ZNF316: variants seen among roughly 807,000 people sequenced by gnomAD.
ZNF316 encodes the protein zinc finger protein 316.
ZNF316 carries 23 observed loss-of-function variants against 75.6 expected under a neutral mutation model. The ratio of observed to expected loss-of-function variants is 0.30; its 90% CI spans 0.22 to 0.43. ZNF316 has a LOEUF of 0.43. Among genes scored for constraint, ZNF316 ranks in the 20% least tolerant of loss-of-function variants. ZNF316 has a pLI of 1.00. For missense variants in ZNF316, 1,266 were observed against 1,409.4 expected, an observed-to-expected ratio of 0.90 and a Z score of 1.63; for synonymous variants, 827 against 666.2, an observed-to-expected ratio of 1.24 and a Z score of -3.72.
rs959356843 is a variant in ZNF316, at chr7:6,656,321, C to G, written c.*1710C>G. ...GCTTGGGGGGCTCTGGGAATCTCAG[C>G]TCTAGCCCTGTATGGCCAGGATCTG... On this transcript the variant is annotated 3_prime_UTR_variant, in exon 9 of 9. Coordinates refer to ENST00000382252, the MANE Select transcript of ZNF316 (RefSeq NM_001278559.2). 3 of 152,234 alleles carry G rather than the reference C, an allele frequency of 2.0e-5. No individual in the cohort carries two copies. The highest frequency in any genetic ancestry group is 7.2e-5 in the African/African-American group (3 of 41,418). 9.4% of individuals were successfully genotyped at this position (152,234 alleles called of 1,614,324 possible). A position where few individuals can be genotyped will look rare whatever the true frequency, so the allele number is the denominator to read the frequency against.
chr7:6,654,018 T>A lies in ZNF316; in HGVS notation c.2422T>A (p.Cys808Ser). ...GGAGCGGCCTTACGCGTGTGGAGAGTGCGGCCGGCGCTTCGGGCAGAGCGC... is the reference window on the plus strand; with the variant it reads ...GGAGCGGCCTTACGCGTGTGGAGAGAGCGGCCGGCGCTTCGGGCAGAGCGC... ...TGERPYACGE[C>S]GRRFGQSAAL... The change falls in exon 9 of 9, where the codon TGC becomes AGC. Residue 808 changes from cysteine to serine, a missense_variant. By Grantham distance (112) the Cys-to-Ser change is moderately radical (BLOSUM62 -1). Transcript: ENST00000382252. 8.4e-7 allele frequency: 1 copy of A among 1,190,564 alleles called. No homozygotes were observed. Among genetic ancestry groups the A allele is most frequent in the Non-Finnish European group, 1.0e-6 (1 of 961,916 alleles). The allele number at this position is 1,190,564 out of a possible 1,614,324, so 73.8% of individuals were successfully genotyped here. A position where few individuals can be genotyped will look rare whatever the true frequency, so the allele number is the denominator to read the frequency against.
chr7:6,650,848 C>T (rs918550429), intron 8 of ZNF316, among the ~76,000 whole-genome samples: 11 of 152,158 alleles, frequency 7.2e-5, no homozygotes, highest in African/African-American at 2.7e-4. Context: ...CCCTGTGTCC[C>T]GTGACTTAGT....
At position 6,653,554 on chromosome 7, in the gene ZNF316, TCGGCGGCGGCGGGGCCGCGGG is replaced by T; in HGVS notation, c.1965_1985del (p.Ala658_Gly664del). ...GGTACCGGGCTGGCGTGCGACCCTT[TCGGCGGCGGCGGGGCCGCGGG>T]CGGCGGAGGCGGCCTGCGCGCGTTC... On this transcript the variant is annotated inframe_deletion, in exon 9 of 9. Coordinates refer to ENST00000382252, the MANE Select transcript of ZNF316 (RefSeq NM_001278559.2). 8.5e-7 allele frequency: 1 copy of T among 1,178,348 alleles called. No individual in the cohort carries two copies. Among genetic ancestry groups the T allele is most frequent in the Middle Eastern group, 3.5e-4 (1 of 2,882 alleles). The allele number at this position is 1,178,348 out of a possible 1,614,324, so 73.0% of individuals were successfully genotyped here.
At chr7:6,643,624 TTTGAGC>T (rs1001320833) in intron 6 of ZNF316, among the ~76,000 whole-genome samples, 192 bp from the exon 7 acceptor site, 15 of 152,276 alleles carry the variant, frequency 9.9e-5, no homozygotes, top group African/African-American at 3.6e-4. Flanking sequence ...GTTCACCGTC[TTTGAGC>T]TTGAGTCCCC....
In ZNF316 at chr7:6,654,122, C is replaced by T. The variant is rs1351145303; in HGVS notation, c.2526C>T (p.His842=). 4 of 1,220,148 alleles carry T rather than the reference C, an allele frequency of 3.3e-6. No homozygotes were observed. The highest frequency in any genetic ancestry group is 4.3e-5 in the Admixed American group (1 of 23,076). The allele number at this position is 1,220,148 out of a possible 1,614,324, so 75.6% of individuals were successfully genotyped here. The change falls in exon 9 of 9, where the codon CAC becomes CAT. Residue 842 remains histidine, a synonymous_variant. Coordinates refer to ENST00000382252, the MANE Select transcript of ZNF316 (RefSeq NM_001278559.2). ...RCPDCGKGFG[H]SSDFKRHRRT... is the part of the protein sequence containing the mutation. The stretch of plus-strand genomic sequence containing the variant: ...CCGACTGCGGCAAGGGCTTCGGCCA[C>T]AGCTCGGACTTCAAGCGGCATCGGC...
Position 6,654,068 on chromosome 7 carries a change from G to A in ZNF316, c.2472G>A (p.Ala824=), listed in dbSNP as rs1779570966. ...QSAALTRHQW[A]HAEEKPHRCP... ...CGGCGCTGACGCGGCATCAGTGGGC[G>A]CACGCCGAGGAGAAGCCGCACCGCT... The change falls in exon 9 of 9, where the codon GCG becomes GCA. Residue 824 remains alanine, a synonymous_variant. Transcript: ENST00000382252. 26 of 1,210,988 alleles carry A rather than the reference G, an allele frequency of 2.1e-5. No individual in the cohort carries two copies. Among genetic ancestry groups the A allele is most frequent in the Non-Finnish European group, 2.7e-5 (26 of 974,510 alleles). The allele number at this position is 1,210,988 out of a possible 1,614,324, so 75.0% of individuals were successfully genotyped here.
chr7:6,647,153 T>C (rs887281365), intron 8 of ZNF316, among the ~76,000 whole-genome samples: 4 of 152,002 alleles, frequency 2.6e-5, no homozygotes, highest in African/African-American at 9.7e-5. Context: ...GGACTGTCTT[T>C]CCACCCTCCG....
chr7:6,643,679 G>C, intron 6 of ZNF316, 143 bp from the exon 7 acceptor site: 1 of 716,856 alleles, frequency 1.4e-6, no homozygotes, highest in Non-Finnish European at 1.9e-6. Context: ...TTCCAGGGCT[G>C]TGGCAAGGCC....
rs1293787362 is a variant in ZNF316, at chr7:6,657,158, G to C, written c.*2547G>C. Among the ~76,000 whole-genome samples the C allele has an allele frequency of 6.6e-6, 1 of 151,886 alleles. No individual in the cohort carries two copies. The highest frequency in any genetic ancestry group is 2.1e-4 in the South Asian group (1 of 4,820). On this transcript the variant is annotated 3_prime_UTR_variant, in exon 9 of 9. Coordinates refer to ENST00000382252, the MANE Select transcript of ZNF316 (RefSeq NM_001278559.2). ...ACAGGCATGTGCCACCATGCCCAGC[G>C]AGTTTTTTTGTATTTTTAGTAGAGA...
intron 8 of ZNF316, among the ~76,000 whole-genome samples, chr7:6,647,108 T>C (rs1439514937): frequency 4.6e-5 from 7 of 152,198 alleles, no homozygotes; most frequent in Admixed American, 3.9e-4. Context: ...TGCCTGCCAG[T>C]GGCATTGGCC....
chr7:6,654,291 CGCTCGGT>C lies in ZNF316; in HGVS notation c.2699_2705del (p.Ser900TrpfsTer33). ...TGAGTGCGGCAAGCGCTTTTCGCAG[CGCTCGGT>C]GCTGGTCACGCACCAGCGCACACAT... On this transcript the variant is annotated frameshift_variant, in exon 9 of 9. Transcript: ENST00000382252. LOFTEE classifies it high-confidence loss of function. 8.2e-7 allele frequency: 1 copy of C among 1,223,774 alleles called. No individual in the cohort carries two copies. The highest frequency in any genetic ancestry group is 1.0e-6 in the Non-Finnish European group (1 of 982,376). 75.8% of individuals were successfully genotyped at this position (1,223,774 alleles called of 1,614,324 possible).
At position 6,652,631 on chromosome 7, in the gene ZNF316, C is replaced by T. The variant is rs921752724; in HGVS notation, c.1035C>T (p.Thr345=). The T allele has an allele frequency of 3.3e-6, 4 of 1,230,360 alleles. No individual in the cohort carries two copies. Among genetic ancestry groups the T allele is most frequent in the Admixed American group, 4.2e-5 (1 of 23,646 alleles). The allele number at this position is 1,230,360 out of a possible 1,614,324, so 76.2% of individuals were successfully genotyped here. The change falls in exon 9 of 9, where the codon ACC becomes ACT. Residue 345 remains threonine, a synonymous_variant. Coordinates refer to ENST00000382252, the MANE Select transcript of ZNF316 (RefSeq NM_001278559.2). The part of the protein sequence containing the change: ...AVAPPAGRPE[T]TCDVCGKVFP... ...CCCCGCCGGCCGGGAGGCCGGAGACCACGTGCGACGTGTGCGGCAAGGTCT... is the reference window on the plus strand; with the variant it reads ...CCCCGCCGGCCGGGAGGCCGGAGACTACGTGCGACGTGTGCGGCAAGGTCT...
intron 8 of ZNF316, among the ~76,000 whole-genome samples, chr7:6,651,742 GAC>G (rs1013563713): frequency 3.3e-5 from 5 of 152,208 alleles, no homozygotes; most frequent in Non-Finnish European, 2.9e-5. Context: ...CAGCCTGGGT[GAC>G]AGAGTGAGAC....
chr7:6,652,251 T>G, intron 8 of ZNF316, 52 bp from the exon 9 acceptor site: 3 of 1,231,188 alleles, frequency 2.4e-6, no homozygotes, highest in Non-Finnish European at 3.0e-6. Context: ...TGCCAGAGGC[T>G]CCTGTCAAGT....
intron 8 of ZNF316, among the ~76,000 whole-genome samples, chr7:6,647,246 G>A (rs145153853): frequency 2.6e-5 from 4 of 152,270 alleles, no homozygotes; most frequent in Non-Finnish European, 5.9e-5. Flanking sequence ...CCTGTCCTCA[G>A]AGAGGCCCCT....
chr7:6,645,411 C>T (rs1019808441), intron 8 of ZNF316, among the ~76,000 whole-genome samples: 3 of 152,098 alleles, frequency 2.0e-5, no homozygotes, highest in African/African-American at 4.8e-5. Context: ...AAGCTGGGTG[C>T]GGTGGCTCAT....
In ZNF316 at chr7:6,652,395, C is replaced by A; in HGVS notation, c.799C>A (p.Pro267Thr). 8.1e-7 allele frequency: 1 copy of A among 1,232,432 alleles called. No homozygotes were observed. Among genetic ancestry groups the A allele is most frequent in the Non-Finnish European group, 1.0e-6 (1 of 988,192 alleles). 76.3% of individuals were successfully genotyped at this position (1,232,432 alleles called of 1,614,324 possible). ...AEVAEEENEPPGLWSAAYGVG... is the reference protein window; with the variant it reads ...AEVAEEENEPTGLWSAAYGVG... ...GGTGGCCGAGGAGGAGAACGAGCCC[C>A]CAGGGCTCTGGTCGGCGGCCTACGG... is the stretch of plus-strand genomic sequence containing the variant. The change falls in exon 9 of 9, where the codon CCA becomes ACA. Residue 267 changes from proline to threonine, a missense_variant. Transcript: ENST00000382252.
In ZNF316 at chr7:6,653,061, G is replaced by A; in HGVS notation, c.1465G>A (p.Asp489Asn). ...GGCCGACCGCCCGCACTGCTGTCCC[G>A]ACTGCGGCCAGGCCTTCCGCCTGCG... ...HTADRPHCCP[D>N]CGQAFRLRAD... The change falls in exon 9 of 9, where the codon GAC becomes AAC. Residue 489 changes from aspartate (D) to asparagine (N), a missense_variant. Asp to Asn is a conservative substitution (Grantham distance 23). This residue lies in a region of ZNF316 where 961 missense variants were observed against 990.9 expected (regional missense o/e 0.97). Transcript: ENST00000382252. The A allele has an allele frequency of 8.2e-7, 1 of 1,212,814 alleles. No homozygotes were observed. The highest frequency in any genetic ancestry group is 4.1e-5 in the South Asian group (1 of 24,232). 75.1% of individuals were successfully genotyped at this position (1,212,814 alleles called of 1,614,324 possible).
chr7:6,643,749 C>A, intron 6 of ZNF316, 73 bp from the exon 7 acceptor site: 1 of 1,219,430 alleles, frequency 8.2e-7, no homozygotes, highest in South Asian at 4.2e-5. Flanking sequence ...TGGAGAGCCT[C>A]AGTGGCCTCA....
Sources: allele counts gnomAD v4.1 joint callset (sites outside exome capture counted in the v4.1 genomes callset), GRCh38; gene constraint gnomAD v4.1.1; regional missense constraint gnomAD v4.1.1; transcripts MANE v1.5; gene names NCBI Gene and HGNC (gene_info 2026-07-23, HGNC 2026-07-21).